The following PID1 variants were observed in gnomAD, a reference collection of about 807,000 sequenced individuals.
PID1 encodes PTB-containing, cubilin and LRP1-interacting protein.
A neutral mutation model predicts 19.1 loss-of-function variants in PID1; 10 were observed. That is an observed-to-expected ratio of 0.52 (90% confidence interval 0.32 to 0.89). The LOEUF (loss-of-function observed/expected upper bound fraction) is 0.89, where lower values mean the gene tolerates loss of function less well. PID1 is among the 40% of genes least tolerant of loss of function. The probability of loss-of-function intolerance (pLI) is 0.03; values close to 1 mark genes in which losing one functional copy is unlikely to be tolerated. For synonymous variants in PID1, 130 were observed against 116.0 expected (o/e 1.12, Z -0.78); for missense variants, 248 against 285.3 (o/e 0.87, Z 0.94).
At chr2:229,266,207 T>C (rs1030628175) in intron 1 of PID1, among the ~76,000 whole-genome samples, 38 of 152,154 alleles carry the variant, frequency 2.5e-4, no homozygotes, top group Admixed American at 2.4e-3. Flanking sequence ...TCTGTAATAA[T>C]AGCTGTTGCT....
chr2:229,131,168 A>G (rs1366404825), intron 2 of PID1, among the ~76,000 whole-genome samples: 1 of 152,084 alleles, frequency 6.6e-6, no homozygotes, highest in Non-Finnish European at 1.5e-5. Context: ...ATAACATCGG[A>G]GCATAAACAC....
At chr2:229,192,021 T>A (rs1691270682) in intron 1 of PID1, among the ~76,000 whole-genome samples, 1 of 152,190 alleles carries the variant, frequency 6.6e-6, no homozygotes, top group Admixed American at 6.5e-5. Flanking sequence ...CCTTCCTTCT[T>A]TTTTAAGTGA....
chr2:229,089,163 A>T (rs1187386578), intron 2 of PID1, among the ~76,000 whole-genome samples: 1 of 152,212 alleles, frequency 6.6e-6, no homozygotes, highest in Non-Finnish European at 1.5e-5. Flanking sequence ...CTTTTTTAAC[A>T]CACTAGCAGA....
intron 1 of PID1, among the ~76,000 whole-genome samples, chr2:229,221,129 A>G (rs1049211008): frequency 3.9e-5 from 6 of 152,120 alleles, no homozygotes; most frequent in Admixed American, 3.3e-4. Context: ...GTTAGCTTAC[A>G]TACTTTTGAG....
At chr2:229,140,274 A>C (rs1298883414) in intron 2 of PID1, among the ~76,000 whole-genome samples, 2 of 152,174 alleles carry the variant, frequency 1.3e-5, no homozygotes, top group African/African-American at 4.8e-5. Flanking sequence ...TCATATAATC[A>C]GTGTCACATA....
At chr2:229,150,775 C>T (rs1269115755) in intron 2 of PID1, among the ~76,000 whole-genome samples, 2 of 151,288 alleles carry the variant, frequency 1.3e-5, no homozygotes, top group East Asian at 1.9e-4. Context: ...CATATAGGAA[C>T]TCGGTGGGCA....
At chr2:229,050,600 A>G (rs1257624690) in intron 2 of PID1, among the ~76,000 whole-genome samples, 2 of 152,302 alleles carry the variant, frequency 1.3e-5, no homozygotes, top group Admixed American at 6.5e-5. Flanking sequence ...AGTCCCATGA[A>G]GCTGCGGCCA....
chr2:229,096,802 C>G (rs1402241730), intron 2 of PID1, among the ~76,000 whole-genome samples: 1 of 152,082 alleles, frequency 6.6e-6, no homozygotes, highest in Non-Finnish European at 1.5e-5. Context: ...TCTCTTAACC[C>G]CTCACTAAGG....
chr2:229,142,413 T>A (rs189260057), intron 2 of PID1, among the ~76,000 whole-genome samples: 5 of 152,072 alleles, frequency 3.3e-5, no homozygotes, highest in African/African-American at 1.2e-4. Flanking sequence ...GTCTACTAAA[T>A]TGATCATAAT....
intron 2 of PID1, among the ~76,000 whole-genome samples, chr2:229,041,405 C>T (rs529325584): frequency 6.6e-6 from 1 of 151,828 alleles, no homozygotes; most frequent in Non-Finnish European, 1.5e-5. Context: ...GGTAGGAATC[C>T]ATGAATCAAT....
chr2:229,035,066 C>A (rs561119798), intron 2 of PID1, among the ~76,000 whole-genome samples: 1 of 152,194 alleles, frequency 6.6e-6, no homozygotes, highest in African/African-American at 2.4e-5. Flanking sequence ...TCATTAGATA[C>A]AGTGATGGCT....
chr2:229,239,685 G>A (rs1225609464), intron 1 of PID1, among the ~76,000 whole-genome samples: 2 of 152,130 alleles, frequency 1.3e-5, no homozygotes, highest in African/African-American at 2.4e-5. Context: ...TCAGAGCAGC[G>A]ATGAAATTTA....
intron 1 of PID1, among the ~76,000 whole-genome samples, chr2:229,261,908 T>TC (rs1690469985): frequency 6.6e-6 from 1 of 151,954 alleles, no homozygotes; most frequent in African/African-American, 2.4e-5. Context: ...TTTTTTTTTT[T>TC]TGTCTTCAAA....
At chr2:229,135,743 A>T (rs1689846279) in intron 2 of PID1, among the ~76,000 whole-genome samples, 1 of 152,196 alleles carries the variant, frequency 6.6e-6, no homozygotes, top group Admixed American at 6.5e-5. Context: ...GTCCAGAAGG[A>T]ACCTGGGGGC....
At chr2:229,209,029 T>C (rs1179403006) in intron 1 of PID1, among the ~76,000 whole-genome samples, 2 of 152,140 alleles carry the variant, frequency 1.3e-5, no homozygotes, top group African/African-American at 4.8e-5. Context: ...GTAGAGTTGC[T>C]GTTCAATTCT....
At chr2:229,036,749 A>G (rs1044804151) in intron 2 of PID1, among the ~76,000 whole-genome samples, 2 of 152,182 alleles carry the variant, frequency 1.3e-5, no homozygotes, top group African/African-American at 4.8e-5. Context: ...CTCCAGCTCA[A>G]AAAAACAAAA....
intron 1 of PID1, among the ~76,000 whole-genome samples, chr2:229,228,733 A>AGTTTTTCTGCTAAAACCATGTC (rs1692136697): frequency 1.0e-5 from 1 of 98,560 alleles, no homozygotes; most frequent in African/African-American, 4.4e-5. Context: ...TTAAACAAAA[A>AGTTTTTCTGCTAAAACCATGTC]GGTATCTGCT....
chr2:229,259,794 T>A (rs557224516), intron 1 of PID1, among the ~76,000 whole-genome samples: 2 of 152,024 alleles, frequency 1.3e-5, no homozygotes, highest in Admixed American at 1.3e-4. Flanking sequence ...TTTGGGGAGG[T>A]CATAGGAGTG....
chr2:229,041,097 C>T (rs530633846), intron 2 of PID1, among the ~76,000 whole-genome samples: 135 of 152,080 alleles, frequency 8.9e-4, no homozygotes, highest in Non-Finnish European at 1.2e-3. Context: ...TAGCACCCTG[C>T]GAGCAGTAAT....
Sources: allele counts gnomAD v4.1 joint callset (sites outside exome capture counted in the v4.1 genomes callset), GRCh38; gene constraint gnomAD v4.1.1; transcripts MANE v1.5; gene names NCBI Gene and HGNC (gene_info 2026-07-23, HGNC 2026-07-21).